TP53BP2: variants seen among roughly 807,000 people sequenced by gnomAD.
The protein encoded by TP53BP2 is tumor protein p53 binding protein 2, also known as apoptosis-stimulating of p53 protein 2.
In TP53BP2, 62 loss-of-function variants were observed where a neutral mutation model predicts 126.2. The observed-to-expected ratio is 0.49, with a 90% confidence interval of 0.40 to 0.61. The LOEUF (loss-of-function observed/expected upper bound fraction) is 0.61, where lower values mean the gene tolerates loss of function less well. TP53BP2 is among the 20% of genes least tolerant of loss of function. TP53BP2 has a pLI of 0.00. For missense variants in TP53BP2, 1,215 were observed against 1,402.8 expected (o/e 0.87, Z 2.14); for synonymous variants, 485 against 502.9 (o/e 0.96, Z 0.48).
Position 223,806,853 on chromosome 1 carries a change from G to T in TP53BP2, c.467C>A (p.Ala156Glu), listed in dbSNP as rs1662737490. ...QQIEAQQQLL[A>E]TKEQRLKFLK... The stretch of plus-strand genomic sequence containing the variant: ...AAAAAAGGACGATACTACCTTAGTT[G>T]CCAGCAATTGTTGCTGGGCTTCAAT... The change falls in exon 5 of 18, where the codon GCA becomes GAA. Residue 156 changes from alanine (A) to glutamate (E), a missense_variant. By Grantham distance (107) the Ala-to-Glu change is moderately radical. This residue lies in a region of TP53BP2 where 814 missense variants were observed against 853.0 expected (regional missense o/e 0.95). Coordinates refer to ENST00000343537, the MANE Select transcript of TP53BP2 (RefSeq NM_001031685.3). The T allele has an allele frequency of 6.2e-7, 1 of 1,613,008 alleles. No homozygotes were observed. The highest frequency in any genetic ancestry group is 8.5e-7 in the Non-Finnish European group (1 of 1,179,340).
In TP53BP2 at chr1:223,804,198, T is replaced by C; in HGVS notation, c.625A>G (p.Lys209Glu). 1 of 1,613,260 alleles carries C rather than the reference T, an allele frequency of 6.2e-7. No homozygotes were observed. Among genetic ancestry groups the C allele is most frequent in the Non-Finnish European group, 8.5e-7 (1 of 1,179,858 alleles). The change falls in exon 6 of 18, where the codon AAG (lysine) becomes GAG (glutamate). Residue 209 changes from lysine (K) to glutamate (E), a missense_variant. Lys to Glu is a moderately conservative substitution (Grantham distance 56). Transcript: ENST00000343537. ...VRALKGHVEQ[K>E]RLSNGKLVEE... ...CCAAGTTTCCCATTGCTTAGTCTCT[T>C]CTGTTCCACGTGGCCTTTAAGTGCT...
chr1:223,819,413 G>A (rs1247681275), intron 2 of TP53BP2, among the ~76,000 whole-genome samples: 2 of 151,964 alleles, frequency 1.3e-5, no homozygotes, highest in Admixed American at 6.6e-5. Flanking sequence ...GGGGCCAGGC[G>A]CGGTGGCTCA....
At chr1:223,786,367 A>C (rs1258764362) in intron 16 of TP53BP2, among the ~76,000 whole-genome samples, 2 of 152,136 alleles carry the variant, frequency 1.3e-5, no homozygotes, top group Admixed American at 1.3e-4. Flanking sequence ...GTGGGTACAC[A>C]ATTACTCACT....
intron 1 of TP53BP2, among the ~76,000 whole-genome samples, chr1:223,843,122 G>GA (rs1664157508): frequency 6.6e-6 from 1 of 151,510 alleles, no homozygotes; most frequent in Non-Finnish European, 1.5e-5. Context: ...CCACATAAAA[G>GA]AAAACCACTT....
intron 15 of TP53BP2, 69 bp from the exon 16 acceptor site, chr1:223,789,243 GGAAA>G (rs1280414266): frequency 1.3e-6 from 2 of 1,553,114 alleles, no homozygotes; most frequent in African/African-American, 1.4e-5. Context: ...TAAGATATCT[GGAAA>G]GAAAGTTCTT....
intron 4 of TP53BP2, among the ~76,000 whole-genome samples, chr1:223,809,099 A>G (rs1662824010): frequency 6.6e-6 from 1 of 152,124 alleles, no homozygotes; most frequent in Non-Finnish European, 1.5e-5. Context: ...ATAGAAACAC[A>G]GTCTCACTTT....
At chr1:223,836,182 T>C (rs949928501) in intron 1 of TP53BP2, among the ~76,000 whole-genome samples, 1 of 152,216 alleles carries the variant, frequency 6.6e-6, no homozygotes. Context: ...AAACTTTCAA[T>C]GCACAAAATT....
At chr1:223,797,238 A>C (rs1662356465) in intron 12 of TP53BP2, among the ~76,000 whole-genome samples, 1 of 152,182 alleles carries the variant, frequency 6.6e-6, no homozygotes. Flanking sequence ...ATTTTCATTC[A>C]ATTAAAACAT....
intron 17 of TP53BP2, among the ~76,000 whole-genome samples, chr1:223,783,668 T>C (rs956077209): frequency 6.6e-5 from 10 of 152,362 alleles, no homozygotes; most frequent in Admixed American, 6.5e-5. Context: ...CCCATTGTAC[T>C]ACACTATAGA....
At chr1:223,842,225 C>T (rs903279425) in intron 1 of TP53BP2, among the ~76,000 whole-genome samples, 1 of 152,236 alleles carries the variant, frequency 6.6e-6, no homozygotes, top group African/African-American at 2.4e-5. Context: ...GGCGTAGCCA[C>T]CGTGCCCGGC....
At position 223,839,773 on chromosome 1, in the gene TP53BP2, T is replaced by C. The variant is rs147790684; in HGVS notation, c.27+5881A>G. 3.1e-3 allele frequency among the ~76,000 whole-genome samples: 470 copies of C among 151,878 alleles called. 2 individuals carry two copies. Among genetic ancestry groups the C allele is most frequent in the Non-Finnish European group, 5.4e-3 (365 of 67,928 alleles). ...GGTGAAACTCTGTCTCTACTAAAAA[T>C]AGAAAAAAAAATTTAGCTGAGTGTG... On this transcript the variant is annotated intron_variant, in intron 1 of 17. Transcript: ENST00000343537.
rs1662502867 is a variant in TP53BP2 at position 223,800,766 on chromosome 1, C to T, written c.1270G>A (p.Ala424Thr). 1 of 1,611,024 alleles carries T rather than the reference C, an allele frequency of 6.2e-7. No homozygotes were observed. Among genetic ancestry groups the T allele is most frequent in the Admixed American group, 1.7e-5 (1 of 59,092 alleles). The change falls in exon 10 of 18, where the codon GCA (alanine) becomes ACA (threonine). Residue 424 changes from alanine (A) to threonine (T), a missense_variant. By Grantham distance (58) the Ala-to-Thr change is moderately conservative. Coordinates refer to ENST00000343537, the MANE Select transcript of TP53BP2 (RefSeq NM_001031685.3). ...GAGCCTTGGCTTGGGAAAAGATCTG[C>T]ATTTGAAGGACTCCAATCAGGGCCA... ...PVGPDWSPSN[A>T]DLFPSQGSAS...
intron 15 of TP53BP2, among the ~76,000 whole-genome samples, 183 bp from the exon 16 acceptor site, chr1:223,789,357 A>G (rs531118283): frequency 1.3e-5 from 2 of 152,374 alleles, no homozygotes; most frequent in African/African-American, 4.8e-5. Context: ...AATTACAGCC[A>G]CAAATGAAAA....
intron 1 of TP53BP2, among the ~76,000 whole-genome samples, chr1:223,826,877 G>A (rs945118622): frequency 1.3e-5 from 2 of 152,168 alleles, no homozygotes; most frequent in African/African-American, 2.4e-5. Context: ...TAATAGCAAA[G>A]GTGGTGAAAA....
chr1:223,839,124 T>C (rs1664020830), intron 1 of TP53BP2, among the ~76,000 whole-genome samples: 1 of 152,230 alleles, frequency 6.6e-6, no homozygotes, highest in Non-Finnish European at 1.5e-5. Context: ...TTACCATTGT[T>C]TGTCCTGTCA....
chr1:223,815,332 C>T (rs1368396314), intron 2 of TP53BP2, among the ~76,000 whole-genome samples: 1 of 152,196 alleles, frequency 6.6e-6, no homozygotes, highest in African/African-American at 2.4e-5. Flanking sequence ...AGTAACATAA[C>T]ATACTGAGTT....
At chr1:223,827,869 G>A (rs539396828) in intron 1 of TP53BP2, among the ~76,000 whole-genome samples, 16 of 152,010 alleles carry the variant, frequency 1.1e-4, no homozygotes, top group African/African-American at 3.6e-4. Flanking sequence ...GAAAATGCAG[G>A]CAGGCACACA....
chr1:223,831,480 A>AAATATATATAT (rs1287271743), intron 1 of TP53BP2, among the ~76,000 whole-genome samples: 5 of 32,468 alleles, frequency 1.5e-4, no homozygotes, highest in Non-Finnish European at 1.9e-4. Context: ...AAAAAAAAAA[A>AAATATATATAT]ATATATATAT....
intron 1 of TP53BP2, among the ~76,000 whole-genome samples, chr1:223,833,395 A>C (rs1000160942): frequency 2.0e-5 from 3 of 152,234 alleles, no homozygotes; most frequent in African/African-American, 7.2e-5. Flanking sequence ...AATAACGTGA[A>C]GTCTCAATAT....
Sources: allele counts gnomAD v4.1 joint callset (sites outside exome capture counted in the v4.1 genomes callset), GRCh38; gene constraint gnomAD v4.1.1; regional missense constraint gnomAD v4.1.1; transcripts MANE v1.5; gene names NCBI Gene and HGNC (gene_info 2026-07-23, HGNC 2026-07-21).